RNF220: variants seen among roughly 807,000 people sequenced by gnomAD.
RNF220 encodes E3 ubiquitin-protein ligase RNF220.
A neutral mutation model predicts 67.1 loss-of-function variants in RNF220; 7 were observed. The observed-to-expected ratio is 0.10, with a 90% CI of 0.06 to 0.20. The LOEUF is 0.20. Ranked by LOEUF, RNF220 falls within the 10% of genes least tolerant of loss-of-function variation. RNF220 has a pLI of 1.00. For synonymous variants in RNF220, 270 were observed against 283.2 expected (o/e 0.95, Z 0.47); for missense variants, 565 against 740.3 (o/e 0.76, Z 2.75).
intron 2 of RNF220, among the ~76,000 whole-genome samples, chr1:44,608,551 C>T (rs1208980564): frequency 6.6e-6 from 1 of 152,168 alleles, no homozygotes; most frequent in African/African-American, 2.4e-5. Flanking sequence ...GTGATAGAGA[C>T]AGTAACACCT....
chr1:44,627,886 G>A (rs1445049198), intron 5 of RNF220, among the ~76,000 whole-genome samples: 3 of 152,248 alleles, frequency 2.0e-5, no homozygotes, highest in Non-Finnish European at 4.4e-5. Context: ...CCTGGCACAG[G>A]GTGCAGAGCT....
Position 44,650,584 on chromosome 1 carries a change from C to T in RNF220, c.1630-120C>T. ...GCTGCCTATGCGTCCCCAGCCTGGG[C>T]TGACAGGACCAAGGTCTCAGCACAC... is the stretch of plus-strand genomic sequence containing the variant. On this transcript the variant is annotated intron_variant, in intron 14 of 14. Coordinates refer to ENST00000361799, the MANE Select transcript of RNF220 (RefSeq NM_018150.4). This position sits in a 1 kb window ranked among gnomAD's most constrained non-coding sequence, Gnocchi z 4.3. 1 of 1,080,586 alleles carries T rather than the reference C, an allele frequency of 9.3e-7. No homozygotes were observed. The allele number at this position is 1,080,586 out of a possible 1,614,324, so 66.9% of individuals were successfully genotyped here. A position where few individuals can be genotyped will look rare whatever the true frequency, so the allele number is the denominator to read the frequency against.
intron 2 of RNF220, among the ~76,000 whole-genome samples, chr1:44,421,934 G>C (rs913977784): frequency 1.3e-5 from 2 of 152,194 alleles, no homozygotes; most frequent in African/African-American, 4.8e-5. Context: ...AGCAGAAATA[G>C]CTGTTGGCAG....
At chr1:44,637,964 G>A (rs1315356208) in intron 8 of RNF220, among the ~76,000 whole-genome samples, 1 of 152,272 alleles carries the variant, frequency 6.6e-6, no homozygotes, top group Non-Finnish European at 1.5e-5. Context: ...AGACTTGAAA[G>A]GCTGTTTTAC....
intron 2 of RNF220, among the ~76,000 whole-genome samples, chr1:44,577,703 C>G (rs146986113): frequency 6.6e-6 from 1 of 152,244 alleles, no homozygotes; most frequent in Non-Finnish European, 1.5e-5. Context: ...CAATGGCTCA[C>G]GCCTATAATC....
At chr1:44,561,908 C>A (rs963988601) in intron 2 of RNF220, among the ~76,000 whole-genome samples, 6 of 152,132 alleles carry the variant, frequency 3.9e-5, no homozygotes, top group African/African-American at 1.4e-4. Context: ...CAAAGGGAGA[C>A]CCTGTCTCAA....
At chr1:44,460,226 C>G (rs924094994) in intron 2 of RNF220, among the ~76,000 whole-genome samples, 17 of 152,224 alleles carry the variant, frequency 1.1e-4, no homozygotes, top group African/African-American at 3.9e-4. Context: ...CATTTCCAGC[C>G]TGCTGCTTGG....
Position 44,650,012 on chromosome 1 carries a change from G to A in RNF220, c.1629+55G>A, listed in dbSNP as rs566207358. 2 of 1,565,860 alleles carry A rather than the reference G, an allele frequency of 1.3e-6. No homozygotes were observed. Among genetic ancestry groups the A allele is most frequent in the East Asian group, 2.2e-5 (1 of 44,692 alleles). ...AGGCCGCTCCGGGCACTGCCCAGAT[G>A]TCTGTGCTTATGCCTGAGCCTGCCT... On this transcript the variant is annotated intron_variant, in intron 14 of 14. Transcript: ENST00000361799. The surrounding 1 kb of genome is among the most constrained non-coding windows in gnomAD (Gnocchi z 4.3).
intron 2 of RNF220, among the ~76,000 whole-genome samples, chr1:44,475,650 A>G (rs1655233145): frequency 6.6e-6 from 1 of 151,374 alleles, no homozygotes; most frequent in Non-Finnish European, 1.5e-5. Flanking sequence ...TTAATCATCC[A>G]ATGCATTGAA....
intron 2 of RNF220, among the ~76,000 whole-genome samples, chr1:44,478,086 C>T (rs1005733249): frequency 2.0e-5 from 3 of 152,162 alleles, no homozygotes; most frequent in African/African-American, 7.2e-5. Context: ...TCAAGCGATT[C>T]TCCTGTCTCA....
chr1:44,522,774 A>G (rs1055628947), intron 2 of RNF220, among the ~76,000 whole-genome samples: 15 of 152,204 alleles, frequency 9.9e-5, no homozygotes, highest in Admixed American at 7.2e-4. Flanking sequence ...CTTAGTTTAT[A>G]ATTTGCTCAC....
rs1003926189 is a variant in RNF220, at chr1:44,651,034, G to A, written c.*259G>A. 27 of 509,934 alleles carry A rather than the reference G, an allele frequency of 5.3e-5. No individual in the cohort carries two copies. Among genetic ancestry groups the A allele is most frequent in the South Asian group, 4.9e-4 (24 of 49,232 alleles). The allele number at this position is 509,934 out of a possible 1,614,324, so 31.6% of individuals were successfully genotyped here. A position where few individuals can be genotyped will look rare whatever the true frequency, so the allele number is the denominator to read the frequency against. On this transcript the variant is annotated 3_prime_UTR_variant, in exon 15 of 15. Transcript: ENST00000361799. ...CCTGTTCCAGCTCTGTTCCCAGGGT[G>A]GGGCAGGGAGGTGGGGGTTGGGGGA...
rs1419775836 is a variant in RNF220 at position 44,412,018 on chromosome 1, C to A, written c.-80C>A. On this transcript the variant is annotated 5_prime_UTR_variant, in exon 2 of 15. Transcript: ENST00000361799. The surrounding 1 kb of genome is among the most constrained non-coding windows in gnomAD (Gnocchi z 5.3). Reference sequence around the variant, plus strand: ...AATGATTCCCCAGTAATATTCCCTGCCCTGACCCAAAGTGCTGGTTGGCCT... The same window carrying A: ...AATGATTCCCCAGTAATATTCCCTGACCTGACCCAAAGTGCTGGTTGGCCT... The A allele has an allele frequency of 2.7e-6, 4 of 1,500,096 alleles. No homozygotes were observed. The highest frequency in any genetic ancestry group is 3.6e-6 in the Non-Finnish European group (4 of 1,107,764). The allele number at this position is 1,500,096 out of a possible 1,614,324, so 92.9% of individuals were successfully genotyped here. A position where few individuals can be genotyped will look rare whatever the true frequency, so the allele number is the denominator to read the frequency against.
At chr1:44,511,690 A>AAGCG (rs1433398580) in intron 2 of RNF220, among the ~76,000 whole-genome samples, 1 of 152,240 alleles carries the variant, frequency 6.6e-6, no homozygotes, top group East Asian at 1.9e-4. Flanking sequence ...GGAACATACT[A>AAGCG]AGCGGGGCGC....
intron 2 of RNF220, among the ~76,000 whole-genome samples, chr1:44,535,485 T>A (rs12063874): frequency 0.047 from 7,192 of 152,266 alleles, 404 homozygotes; most frequent in East Asian, 0.28. Flanking sequence ...CCACTGATGT[T>A]CCTTGCCTTG....
intron 2 of RNF220, among the ~76,000 whole-genome samples, chr1:44,581,015 T>C (rs927777536): frequency 2.6e-5 from 4 of 152,174 alleles, no homozygotes; most frequent in Non-Finnish European, 5.9e-5. Context: ...CCAGGAGAAC[T>C]TCATGGGAGA....
At chr1:44,629,875 G>A (rs1644065844) in intron 5 of RNF220, among the ~76,000 whole-genome samples, 1 of 152,158 alleles carries the variant, frequency 6.6e-6, no homozygotes, top group Admixed American at 6.5e-5. Context: ...AGAACATAGA[G>A]GTGTAACAGA....
intron 2 of RNF220, among the ~76,000 whole-genome samples, chr1:44,586,052 G>A (rs1215839849): frequency 6.6e-6 from 1 of 152,182 alleles, no homozygotes; most frequent in Non-Finnish European, 1.5e-5. Context: ...TTTGCATAGG[G>A]TAGTTACCTG....
intron 2 of RNF220, among the ~76,000 whole-genome samples, chr1:44,513,716 CTGTT>C (rs1659222068): frequency 6.6e-6 from 1 of 152,142 alleles, no homozygotes; most frequent in Non-Finnish European, 1.5e-5. Context: ...GTGAAAAAGA[CTGTT>C]TGGATTTCAT....
Sources: gnomAD v4.1 joint callset for allele counts (sites outside exome capture counted in the v4.1 genomes callset) on GRCh38, gnomAD v4.1.1 for gene constraint, Gnocchi (gnomAD v3.1) non-coding constraint, MANE v1.5 for transcripts, NCBI Gene and HGNC (gene_info 2026-07-23, HGNC 2026-07-21) for gene names.